SLC17A8: variants seen among roughly 807,000 people sequenced by gnomAD.
SLC17A8 encodes solute carrier family 17 member 8.
Under a neutral mutation model 58.0 loss-of-function variants are expected in SLC17A8, and 31 were observed. The observed-to-expected ratio is 0.53, with a 90% CI of 0.40 to 0.72. The LOEUF is 0.72. Among genes scored for constraint, SLC17A8 ranks in the 30% least tolerant of loss-of-function variants. The pLI, the probability that SLC17A8 is intolerant of heterozygous loss-of-function variation, is 0.00. For missense variants in SLC17A8, 655 were observed against 727.8 expected, an observed-to-expected ratio of 0.90 and a Z score of 1.15; for synonymous variants, 228 against 249.0, an observed-to-expected ratio of 0.92 and a Z score of 0.79.
chr12:100,365,020 T>A (rs548510208), intron 1 of SLC17A8, among the ~76,000 whole-genome samples: 1 of 152,158 alleles, frequency 6.6e-6, no homozygotes, highest in Non-Finnish European at 1.5e-5. Flanking sequence ...TGGAGAGGCA[T>A]TGGTATAGTA....
At chr12:100,392,550 A>AT (rs1224958831) in intron 3 of SLC17A8, among the ~76,000 whole-genome samples, 1 of 152,182 alleles carries the variant, frequency 6.6e-6, no homozygotes, top group Non-Finnish European at 1.5e-5. Flanking sequence ...TTAGTTATCT[A>AT]TTGTATTCTT....
intron 2 of SLC17A8, among the ~76,000 whole-genome samples, chr12:100,382,527 C>A (rs1952644902): frequency 6.6e-6 from 1 of 152,196 alleles, no homozygotes; most frequent in Admixed American, 6.5e-5. Context: ...ATGACTCATG[C>A]AGAAATCCGT....
intron 2 of SLC17A8, among the ~76,000 whole-genome samples, chr12:100,385,732 C>T (rs984003589): frequency 6.6e-6 from 1 of 152,182 alleles, no homozygotes; most frequent in Non-Finnish European, 1.5e-5. Flanking sequence ...ATCAAATAAG[C>T]TAACCTATAT....
chr12:100,419,991 C>G lies in SLC17A8; in HGVS notation c.1602C>G (p.Leu534=), dbSNP rs770426973. The G allele has an allele frequency of 4.3e-6, 7 of 1,613,924 alleles. No homozygotes were observed. In the South Asian group the frequency reaches 7.7e-5, roughly 18 times the overall value. ...DQDELAEEIE[L]NHESFASPKK... Reference sequence around the variant, plus strand: ...ACGAATTAGCTGAGGAGATAGAACTCAACCATGAGAGTTTTGCGAGTCCCA... The same window carrying G: ...ACGAATTAGCTGAGGAGATAGAACTGAACCATGAGAGTTTTGCGAGTCCCA... The change falls in exon 12 of 12, where the codon CTC becomes CTG. Residue 534 remains leucine, a synonymous_variant. Coordinates refer to ENST00000323346, the MANE Select transcript of SLC17A8 (RefSeq NM_139319.3).
intron 4 of SLC17A8, 83 bp downstream of exon 4, chr12:100,393,566 C>G (rs893102145): frequency 8.7e-6 from 9 of 1,033,972 alleles, no homozygotes; most frequent in Non-Finnish European, 1.4e-5. Flanking sequence ...AAGAAAATCC[C>G]CTTTACTCAG....
In SLC17A8 at chr12:100,402,591, C is replaced by T; in HGVS notation, c.904-5C>T. The T allele has an allele frequency of 1.2e-6, 2 of 1,613,718 alleles. No individual in the cohort carries two copies. The highest frequency in any genetic ancestry group is 1.1e-5 in the South Asian group (1 of 90,978). On this transcript the variant is annotated splice_region_variant and splice_polypyrimidine_tract_variant and intron_variant, in intron 7 of 11. Coordinates refer to ENST00000323346, the MANE Select transcript of SLC17A8 (RefSeq NM_139319.3). ...TAAAAATATCATGGTATTTTTACTC[C>T]CTAGAAATTTAGTACCCCATGGAAA... is the stretch of plus-strand genomic sequence containing the variant.
In SLC17A8 at chr12:100,419,532, C is replaced by CA. The variant is rs754527564; in HGVS notation, c.1426-269dup. ...TGGGTGACAGAGCGAGACTCCATCTCAAAAAAAAAAAAAAGAATTTTCTAA... is the reference window on the plus strand; with the variant it reads ...TGGGTGACAGAGCGAGACTCCATCTCAAAAAAAAAAAAAAAGAATTTTCTAA... On this transcript the variant is annotated intron_variant, in intron 11 of 11. Transcript: ENST00000323346. Among the ~76,000 whole-genome samples the CA allele has an allele frequency of 0.01, 1,076 of 104,612 alleles. 9 individuals carry two copies. The highest frequency in any genetic ancestry group is 0.017 in the African/African-American group (467 of 28,130). The allele number at this position is 104,612 out of a possible 152,430, so 68.6% of individuals were successfully genotyped here.
At chr12:100,377,209 A>G (rs1468641094) in intron 1 of SLC17A8, among the ~76,000 whole-genome samples, 4 of 152,122 alleles carry the variant, frequency 2.6e-5, no homozygotes, top group African/African-American at 7.2e-5. Flanking sequence ...CTATCATCCA[A>G]CTGCCTCTCA....
Position 100,391,063 on chromosome 12 carries a change from CTATAT to C in SLC17A8, c.421_425del (p.Ile141AspfsTer15). 6.2e-7 allele frequency: 1 copy of C among 1,613,806 alleles called. No individual in the cohort carries two copies. Among genetic ancestry groups the C allele is most frequent in the Non-Finnish European group, 8.5e-7 (1 of 1,179,858 alleles). On this transcript the variant is annotated frameshift_variant, in exon 3 of 12. Coordinates refer to ENST00000323346, the MANE Select transcript of SLC17A8 (RefSeq NM_139319.3). LOFTEE classifies it high-confidence loss of function. ...TTATCCATGGATCTTTTTTCTGGGG[CTATAT>C]TATGACACAAATTCCAGGTGGTTTC...
intron 1 of SLC17A8, among the ~76,000 whole-genome samples, chr12:100,360,104 A>G (rs931665060): frequency 3.3e-5 from 5 of 152,238 alleles, no homozygotes; most frequent in Non-Finnish European, 7.3e-5. Context: ...ACAGTCAGGC[A>G]TGATTAGCTT....
chr12:100,378,822 A>G (rs1952612451), intron 1 of SLC17A8, among the ~76,000 whole-genome samples: 1 of 152,196 alleles, frequency 6.6e-6, no homozygotes, highest in African/African-American at 2.4e-5. Context: ...ATGTTCTGGC[A>G]CATTTACTAA....
In SLC17A8 at chr12:100,404,141, C is replaced by G. The variant is rs964871931; in HGVS notation, c.1157C>G (p.Thr386Ser). 1.2e-6 allele frequency: 2 copies of G among 1,614,222 alleles called. No individual in the cohort carries two copies. The highest frequency in any genetic ancestry group is 2.7e-5 in the African/African-American group (2 of 75,072). The part of the protein sequence containing the change: ...YLRSRQILTT[T>S]AVRKIMNCGG... Reference sequence around the variant, plus strand: ...AGAAGCAGACAAATTTTAACCACAACTGCTGTCAGAAAAATCATGAACTGT... The same window carrying G: ...AGAAGCAGACAAATTTTAACCACAAGTGCTGTCAGAAAAATCATGAACTGT... The change falls in exon 9 of 12, where the codon ACT becomes AGT. Residue 386 changes from threonine to serine, a missense_variant. Transcript: ENST00000323346.
chr12:100,358,488 C>G (rs2135964582), intron 1 of SLC17A8, among the ~76,000 whole-genome samples: 1 of 152,222 alleles, frequency 6.6e-6, no homozygotes, highest in East Asian at 1.9e-4. Context: ...ATGCTCCTGT[C>G]AGTGTTAAAT....
chr12:100,363,098 C>G (rs2135968604), intron 1 of SLC17A8, among the ~76,000 whole-genome samples: 1 of 152,266 alleles, frequency 6.6e-6, no homozygotes, highest in East Asian at 1.9e-4. Flanking sequence ...CTTACCATGT[C>G]TTCTGGTCTT....
intron 9 of SLC17A8, 106 bp downstream of exon 9, chr12:100,404,276 T>G: frequency 1.4e-6 from 2 of 1,420,032 alleles, no homozygotes; most frequent in Non-Finnish European, 2.0e-6. Flanking sequence ...GAGTGGATCT[T>G]AAAGACCTCT....
chr12:100,381,038 C>A, intron 2 of SLC17A8, 85 bp downstream of exon 2: 1 of 1,523,704 alleles, frequency 6.6e-7, no homozygotes, highest in South Asian at 1.1e-5. Context: ...GTGGCACGAT[C>A]TTGGCTTACT....
At chr12:100,404,459 A>T in intron 9 of SLC17A8, 1 of 401,240 alleles carries the variant, frequency 2.5e-6, no homozygotes, top group Admixed American at 3.6e-5. Context: ...AACAGAAGAA[A>T]AGTAGTCTTT....
intron 9 of SLC17A8, 88 bp downstream of exon 9, chr12:100,404,258 A>C: frequency 6.5e-7 from 1 of 1,539,568 alleles, no homozygotes; most frequent in Non-Finnish European, 9.0e-7. Flanking sequence ...AGTGACATTT[A>C]GTCATTGGAG....
chr12:100,367,761 T>C (rs1320805635), intron 1 of SLC17A8, among the ~76,000 whole-genome samples: 1 of 152,074 alleles, frequency 6.6e-6, no homozygotes, highest in Non-Finnish European at 1.5e-5. Context: ...CTATGTTGCC[T>C]AGAATGGTCT....
Sources: allele counts gnomAD v4.1 joint callset (sites outside exome capture counted in the v4.1 genomes callset), GRCh38; gene constraint gnomAD v4.1.1; transcripts MANE v1.5; gene names NCBI Gene and HGNC (gene_info 2026-07-23, HGNC 2026-07-21).